The following GTF3C5 variants were observed in gnomAD, a reference collection of about 807,000 sequenced individuals.
GTF3C5 encodes general transcription factor IIIC subunit 5, also known as general transcription factor 3C polypeptide 5.
A neutral mutation model predicts 61.0 loss-of-function variants in GTF3C5; 47 were observed. The observed-to-expected ratio is 0.77, with a 90% confidence interval of 0.61 to 0.98. GTF3C5 has a LOEUF of 0.98. Ranked by LOEUF, GTF3C5 falls within the 50% of genes least tolerant of loss-of-function variation. The probability of loss-of-function intolerance (pLI) is 0.00; values close to 1 mark genes in which losing one functional copy is unlikely to be tolerated. For missense variants in GTF3C5, 659 were observed against 703.3 expected (o/e 0.94, Z 0.71); for synonymous variants, 295 against 275.4 (o/e 1.07, Z -0.71).
In GTF3C5 at chr9:133,043,930, AG is replaced by A; in HGVS notation, c.572+6del. 6.2e-7 allele frequency: 1 copy of A among 1,610,118 alleles called. No homozygotes were observed. Among genetic ancestry groups the A allele is most frequent in the Non-Finnish European group, 8.5e-7 (1 of 1,176,608 alleles). Reference sequence around the variant, plus strand: ...ACCGACCAGAGACCCAGCACCGGTAAGGCCCCCCTCCATGCAGCCTCGGTTC... The same window carrying A: ...ACCGACCAGAGACCCAGCACCGGTAAGCCCCCCTCCATGCAGCCTCGGTTC... On this transcript the variant is annotated splice_donor_5th_base_variant and intron_variant, in intron 3 of 10. Coordinates refer to ENST00000372097, the MANE Select transcript of GTF3C5 (RefSeq NM_012087.4).
In GTF3C5 at chr9:133,052,163, T is replaced by C. The variant is rs1394891686; in HGVS notation, c.872T>C (p.Met291Thr). Residue 291 changes from methionine to threonine, a missense_variant and splice_region_variant, in exon 5 of 11, where the codon ATG becomes ACG. By Grantham distance (81) the Met-to-Thr change is moderately conservative (BLOSUM62 -1). Transcript: ENST00000372097. The part of the protein sequence containing the change: ...KVLLPFIAYY[M>T]ITGPWRSLWI... ...TTGCTTCCCTTCATAGCCTATTACATGGTAAGTGTCAGCTGCCCACCCACC... is the reference window on the plus strand; with the variant it reads ...TTGCTTCCCTTCATAGCCTATTACACGGTAAGTGTCAGCTGCCCACCCACC... The C allele has an allele frequency of 6.5e-7, 1 of 1,542,680 alleles. No individual in the cohort carries two copies. Among genetic ancestry groups the C allele is most frequent in the South Asian group, 1.1e-5 (1 of 88,122 alleles).
Position 133,031,033 on chromosome 9 carries a change from T to A in GTF3C5, c.22T>A (p.Leu8Met). The change falls in exon 1 of 11, where the codon TTG (leucine) becomes ATG (methionine). Residue 8 changes from leucine (L) to methionine (M), a missense_variant. By Grantham distance (15) the Leu-to-Met change is conservative (BLOSUM62 2). Coordinates refer to ENST00000372097, the MANE Select transcript of GTF3C5 (RefSeq NM_012087.4). Reference sequence around the variant, plus strand: ...AGGGATGGCGGCGGAGGCGGCCGATTTGGGGCTGGGGGCCGCCGTCCCCGT... The same window carrying A: ...AGGGATGGCGGCGGAGGCGGCCGATATGGGGCTGGGGGCCGCCGTCCCCGT... MAAEAAD[L>M]GLGAAVPVEL... The A allele has an allele frequency of 6.2e-7, 1 of 1,612,262 alleles. No homozygotes were observed. The highest frequency in any genetic ancestry group is 8.5e-7 in the Non-Finnish European group (1 of 1,179,226).
chr9:133,040,890 A>G (rs1850018393), intron 1 of GTF3C5, among the ~76,000 whole-genome samples: 1 of 152,234 alleles, frequency 6.6e-6, no homozygotes, highest in Non-Finnish European at 1.5e-5. Flanking sequence ...CATAGACATG[A>G]TTATATATGA....
chr9:133,044,113 C>T (rs1207961367), intron 3 of GTF3C5, 187 bp downstream of exon 3: 9 of 417,080 alleles, frequency 2.2e-5, no homozygotes, highest in Non-Finnish European at 3.4e-5. Context: ...TCACTGCACT[C>T]CAGCCCGGGT....
At chr9:133,054,835 G>A in intron 8 of GTF3C5, 26 bp downstream of exon 8, 1 of 1,550,050 alleles carries the variant, frequency 6.5e-7, no homozygotes, top group Non-Finnish European at 8.7e-7. Flanking sequence ...GGCCAGGAAT[G>A]GAGGGGAGGA....
chr9:133,052,388 C>T lies in GTF3C5; in HGVS notation c.873+224C>T, dbSNP rs187186662. Reference sequence around the variant, plus strand: ...CTAGCACCTCCCCCGTCCTGGCACCCCCATCCTTCCTTCCCCCCTGTCCTG... The same window carrying T: ...CTAGCACCTCCCCCGTCCTGGCACCTCCATCCTTCCTTCCCCCCTGTCCTG... On this transcript the variant is annotated intron_variant, in intron 5 of 10. Coordinates refer to ENST00000372097, the MANE Select transcript of GTF3C5 (RefSeq NM_012087.4). Among the ~76,000 whole-genome samples the T allele has an allele frequency of 8.1e-4, 103 of 126,766 alleles. 1 individual carries two copies. The highest frequency in any genetic ancestry group is 2.9e-3 in the African/African-American group (100 of 34,556). 83.2% of individuals were successfully genotyped at this position (126,766 alleles called of 152,430 possible). A position where few individuals can be genotyped will look rare whatever the true frequency, so the allele number is the denominator to read the frequency against.
At position 133,044,029 on chromosome 9, in the gene GTF3C5, C is replaced by T. The variant is rs568451081; in HGVS notation, c.572+103C>T. 7.2e-5 allele frequency: 59 copies of T among 820,814 alleles called. No homozygotes were observed. The African/African-American group carries it at 9.3e-4, about 13-fold the overall frequency. The allele number at this position is 820,814 out of a possible 1,614,324, so 50.8% of individuals were successfully genotyped here. ...GCGTGGTGGTGCACACCTGTAATTC[C>T]AGCTACTCGGGAGGCTGAGGCTGGA... On this transcript the variant is annotated intron_variant, in intron 3 of 10. Transcript: ENST00000372097.
chr9:133,055,384 C>T (rs766535180), intron 8 of GTF3C5: 31 of 1,299,362 alleles, frequency 2.4e-5, no homozygotes, highest in Admixed American at 6.9e-5. Context: ...GCAGCAGAGA[C>T]GGGTGATGCG....
At chr9:133,043,463 A>G (rs1275973654) in intron 2 of GTF3C5, among the ~76,000 whole-genome samples, 1 of 152,214 alleles carries the variant, frequency 6.6e-6, no homozygotes, top group African/African-American at 2.4e-5. Flanking sequence ...AGTAACATTC[A>G]TCTAAGAAGC....
intron 3 of GTF3C5, among the ~76,000 whole-genome samples, chr9:133,050,170 G>A (rs564798003): frequency 6.9e-4 from 105 of 152,248 alleles, no homozygotes; most frequent in African/African-American, 2.2e-3. Context: ...CCTTCTCGAT[G>A]GGAGTCCCAG....
intron 4 of GTF3C5, 53 bp downstream of exon 4, chr9:133,051,031 C>T (rs917230742): frequency 7.4e-7 from 1 of 1,353,478 alleles, no homozygotes; most frequent in African/African-American, 1.5e-5. Context: ...CTGTTGGCTT[C>T]CCGTGTTTAC....
upstream of GTF3C5, chr9:133,030,741 T>A: frequency 1.7e-6 from 1 of 572,620 alleles, no homozygotes; most frequent in Non-Finnish European, 3.2e-6. Context: ...CGCTGGCTAG[T>A]AGGAGAGACT....
chr9:133,050,552 C>T (rs1448920832), intron 3 of GTF3C5, among the ~76,000 whole-genome samples: 1 of 152,224 alleles, frequency 6.6e-6, no homozygotes, highest in Non-Finnish European at 1.5e-5. Flanking sequence ...GAGCTGCAGG[C>T]CCCAGGGTTT....
chr9:133,056,977 AAG>A, intron 10 of GTF3C5, 69 bp downstream of exon 10: 1 of 1,401,956 alleles, frequency 7.1e-7, no homozygotes, highest in Non-Finnish European at 9.5e-7. Context: ...AGGTGTCCCT[AAG>A]GGGACCCATT....
chr9:133,050,995 G>T lies in GTF3C5; in HGVS notation c.768+17G>T. The T allele has an allele frequency of 6.4e-7, 1 of 1,564,334 alleles. No homozygotes were observed. Among genetic ancestry groups the T allele is most frequent in the Non-Finnish European group, 8.7e-7 (1 of 1,155,806 alleles). On this transcript the variant is annotated intron_variant, in intron 4 of 10. Coordinates refer to ENST00000372097, the MANE Select transcript of GTF3C5 (RefSeq NM_012087.4). ...CTGAGGAAGGCAAGTCCTGCGCTGC[G>T]CCTGGCCCCGGTGGCTCCAGCCTCT...
chr9:133,052,190 G>T (rs747551956), intron 5 of GTF3C5, 26 bp downstream of exon 5: 6 of 1,323,800 alleles, frequency 4.5e-6, no homozygotes, highest in African/African-American at 1.5e-5. Context: ...CCACCCACCT[G>T]CCTTGGTTTC....
chr9:133,045,498 G>A (rs1382573464), intron 3 of GTF3C5, among the ~76,000 whole-genome samples: 1 of 152,216 alleles, frequency 6.6e-6, no homozygotes, highest in African/African-American at 2.4e-5. Context: ...GACTTGGCCT[G>A]CTTCGGTCTC....
At chr9:133,049,748 C>G (rs1215629013) in intron 3 of GTF3C5, among the ~76,000 whole-genome samples, 2 of 152,190 alleles carry the variant, frequency 1.3e-5, no homozygotes, top group Non-Finnish European at 2.9e-5. Context: ...GTTCTAGAAT[C>G]TCTGCTTTGT....
intron 1 of GTF3C5, among the ~76,000 whole-genome samples, chr9:133,039,686 A>G (rs547466037): frequency 2.6e-5 from 4 of 152,290 alleles, no homozygotes; most frequent in Admixed American, 1.3e-4. Context: ...ATACATGCAT[A>G]TGAATCTGCC....
Sources: allele counts gnomAD v4.1 joint callset (sites outside exome capture counted in the v4.1 genomes callset), GRCh38; gene constraint gnomAD v4.1.1; transcripts MANE v1.5; gene names NCBI Gene and HGNC (gene_info 2026-07-23, HGNC 2026-07-21).